Variants in CACNB4 observed in about 807,000 individuals in gnomAD.
CACNB4 encodes the protein voltage-dependent L-type calcium channel subunit beta-4.
A neutral mutation model predicts 71.2 loss-of-function variants in CACNB4; 32 were observed. The observed-to-expected ratio is 0.45, with a 90% CI of 0.34 to 0.60. The LOEUF (loss-of-function observed/expected upper bound fraction) is 0.60, where lower values mean the gene tolerates loss of function less well. Ranked by LOEUF, CACNB4 falls within the 20% of genes least tolerant of loss-of-function variation. The probability of loss-of-function intolerance (pLI) is 0.01; values close to 1 mark genes in which losing one functional copy is unlikely to be tolerated. For missense variants in CACNB4, 464 were observed against 647.9 expected, an observed-to-expected ratio of 0.72 and a Z score of 3.08; for synonymous variants, 231 against 236.9, an observed-to-expected ratio of 0.97 and a Z score of 0.23.
intron 2 of CACNB4, chr2:151,962,944 C>T (rs1459175205): frequency 6.6e-6 from 1 of 152,136 alleles, no homozygotes; most frequent in Non-Finnish European, 1.5e-5. Flanking sequence ...TACGATTATA[C>T]CACTCTTCAG....
At chr2:151,951,122 C>T (rs1218791337) in intron 2 of CACNB4, among the ~76,000 whole-genome samples, 4 of 152,000 alleles carry the variant, frequency 2.6e-5, no homozygotes, top group Admixed American at 6.6e-5. Context: ...GACGGGGTTT[C>T]GCCATGTTGG....
At chr2:152,064,182 CA>C (rs1287432393) in intron 2 of CACNB4, among the ~76,000 whole-genome samples, 1 of 152,174 alleles carries the variant, frequency 6.6e-6, no homozygotes, top group African/African-American at 2.4e-5. Flanking sequence ...TTAAAATTCA[CA>C]TTGTTGAAGT....
chr2:152,053,725 T>C (rs1685570147), intron 2 of CACNB4, among the ~76,000 whole-genome samples: 1 of 152,038 alleles, frequency 6.6e-6, no homozygotes, highest in East Asian at 1.9e-4. Flanking sequence ...AGTCTCACTA[T>C]GTTGCCCAGG....
intron 2 of CACNB4, among the ~76,000 whole-genome samples, chr2:151,975,037 C>G (rs975586401): frequency 1.3e-5 from 2 of 152,160 alleles, no homozygotes; most frequent in African/African-American, 2.4e-5. Context: ...GACTCTGGAC[C>G]AGTCAGTCAC....
At chr2:152,063,136 T>A (rs1316691568) in intron 2 of CACNB4, among the ~76,000 whole-genome samples, 5 of 152,204 alleles carry the variant, frequency 3.3e-5, no homozygotes, top group Non-Finnish European at 5.9e-5. Flanking sequence ...ATTGCACATA[T>A]ATTGGTAATC....
chr2:151,900,991 CTTTTTT>C (rs869114252), intron 2 of CACNB4, among the ~76,000 whole-genome samples: 66 of 9,036 alleles, frequency 7.3e-3, no homozygotes, highest in African/African-American at 0.017. Context: ...TTCTTTCTTT[CTTTTTT>C]TTTTTTTTTT....
intron 2 of CACNB4, among the ~76,000 whole-genome samples, chr2:152,009,468 G>C (rs936541138): frequency 2.6e-5 from 4 of 152,170 alleles, no homozygotes; most frequent in African/African-American, 9.7e-5. Flanking sequence ...TTTACCGATG[G>C]TGACAAATGT....
intron 2 of CACNB4, among the ~76,000 whole-genome samples, chr2:151,897,901 G>A (rs898024214): frequency 3.9e-5 from 6 of 152,238 alleles, no homozygotes; most frequent in African/African-American, 9.6e-5. Context: ...GAACACTTCA[G>A]TATATGGAAT....
chr2:151,971,712 A>T, intron 2 of CACNB4: 2 of 660,896 alleles, frequency 3.0e-6, no homozygotes, highest in East Asian at 5.4e-5. Context: ...TTCCTTATAA[A>T]AACAAATAAA....
At chr2:152,002,560 T>C (rs76610605) in intron 2 of CACNB4, among the ~76,000 whole-genome samples, 2,437 of 152,362 alleles carry the variant, frequency 0.016, 80 homozygotes, top group African/African-American at 0.054. Flanking sequence ...AGATCAAATA[T>C]GCAACTTATC....
At chr2:152,045,411 T>A (rs942020822) in intron 2 of CACNB4, among the ~76,000 whole-genome samples, 1 of 152,156 alleles carries the variant, frequency 6.6e-6, no homozygotes, top group African/African-American at 2.4e-5. Context: ...CTACGTGAAA[T>A]AAGCAGTCAC....
At chr2:151,904,121 C>T (rs2099854160) in intron 2 of CACNB4, among the ~76,000 whole-genome samples, 1 of 152,234 alleles carries the variant, frequency 6.6e-6, no homozygotes, top group African/African-American at 2.4e-5. Flanking sequence ...TTTTTCAAAA[C>T]CACCGCTGCA....
At chr2:152,007,626 G>A (rs186780020) in intron 2 of CACNB4, among the ~76,000 whole-genome samples, 1 of 152,302 alleles carries the variant, frequency 6.6e-6, no homozygotes, top group Non-Finnish European at 1.5e-5. Flanking sequence ...TCTGTGGATG[G>A]ACACTTGGGT....
intron 2 of CACNB4, among the ~76,000 whole-genome samples, chr2:151,908,167 GA>G (rs1403075820): frequency 1.3e-5 from 2 of 152,196 alleles, no homozygotes; most frequent in Non-Finnish European, 2.9e-5. Flanking sequence ...GAGGGAGTCT[GA>G]TTGCAGCCAA....
chr2:151,993,234 T>C (rs907333042), intron 2 of CACNB4, among the ~76,000 whole-genome samples: 3 of 152,070 alleles, frequency 2.0e-5, no homozygotes, highest in African/African-American at 7.2e-5. Context: ...ACATTTTTGA[T>C]CACTAACTAT....
intron 2 of CACNB4, among the ~76,000 whole-genome samples, chr2:151,902,526 T>C (rs1412814974): frequency 1.3e-5 from 2 of 152,204 alleles, no homozygotes; most frequent in Non-Finnish European, 2.9e-5. Flanking sequence ...ATTAGAATTT[T>C]TCATTATGGA....
At chr2:151,949,312 T>C (rs80004471) in intron 2 of CACNB4, among the ~76,000 whole-genome samples, 2,250 of 152,158 alleles carry the variant, frequency 0.015, 49 homozygotes, top group African/African-American at 0.05. Context: ...AGACACATGA[T>C]GGACTAAACA....
intron 2 of CACNB4, among the ~76,000 whole-genome samples, chr2:152,007,387 C>G (rs1238127865): frequency 6.6e-6 from 1 of 152,226 alleles, no homozygotes; most frequent in East Asian, 1.9e-4. Flanking sequence ...CTGTCCTCCC[C>G]CAAACCCTGG....
chr2:152,007,729 T>G (rs1682812564), intron 2 of CACNB4, among the ~76,000 whole-genome samples: 1 of 152,198 alleles, frequency 6.6e-6, no homozygotes, highest in East Asian at 1.9e-4. Context: ...CTTATGGGCA[T>G]ATATTCAGAA....
Sources: allele counts gnomAD v4.1 joint callset (sites outside exome capture counted in the v4.1 genomes callset), GRCh38; gene constraint gnomAD v4.1.1; transcripts MANE v1.5; gene names NCBI Gene and HGNC (gene_info 2026-07-23, HGNC 2026-07-21).